The following MAP3K15 variants were observed in gnomAD, a reference collection of about 807,000 sequenced individuals.
The protein encoded by MAP3K15 is MAPK/ERK kinase kinase 15.
Under a neutral mutation model 99.5 loss-of-function variants are expected in MAP3K15, and 124 were observed. The ratio of observed to expected loss-of-function variants is 1.25; its 90% CI spans 1.08 to 1.45. The LOEUF (loss-of-function observed/expected upper bound fraction) is 1.45, where lower values mean the gene tolerates loss of function less well. MAP3K15 is among the 40% of genes most tolerant of loss of function. MAP3K15 has a pLI of 0.00. For missense variants in MAP3K15, 1,242 were observed against 1,079.7 expected, an observed-to-expected ratio of 1.15 and a Z score of -2.11; for synonymous variants, 494 against 439.6, an observed-to-expected ratio of 1.12 and a Z score of -1.55.
At chrX:19,445,949 A>AAAATAAATAAATAAAT (rs771171380) in intron 6 of MAP3K15, among the ~76,000 whole-genome samples, 1,633 of 100,055 alleles carry the variant, frequency 0.016, 19 homozygotes, top group African/African-American at 0.019. Context: ...CTCCATCTCA[A>AAAATAAATAAATAAAT]AAATCAATAA....
chrX:19,374,768 T>TGG, intron 19 of MAP3K15, 108 bp from the exon 20 acceptor site: 1 of 700,145 alleles, frequency 1.4e-6, no homozygotes, highest in Non-Finnish European at 2.1e-6. Flanking sequence ...AGGACAGGCA[T>TGG]AATCCATGCC....
intron 18 of MAP3K15, among the ~76,000 whole-genome samples, chrX:19,381,820 T>A (rs1486413389): frequency 8.9e-6 from 1 of 111,930 alleles, no homozygotes; most frequent in East Asian, 2.8e-4. Context: ...CAGCAGCTCC[T>A]GGGGGCTGGC....
At chrX:19,495,755 T>C (rs1355076779) in intron 1 of MAP3K15, among the ~76,000 whole-genome samples, 3 of 111,741 alleles carry the variant, frequency 2.7e-5, no homozygotes, top group African/African-American at 9.7e-5. Flanking sequence ...CAAATACATA[T>C]TGTTCTTCCA....
chrX:19,400,479 T>C (rs28417958), intron 14 of MAP3K15, 97 bp downstream of exon 14: 36,037 of 591,233 alleles, frequency 0.061, 2,560 homozygotes, highest in African/African-American at 0.35. Context: ...TCATAAAACA[T>C]ACTCAACAGA....
intron 25 of MAP3K15, among the ~76,000 whole-genome samples, chrX:19,364,826 G>A (rs1212085827): frequency 4.7e-5 from 5 of 106,668 alleles, no homozygotes; most frequent in African/African-American, 1.7e-4. Context: ...CTGGGAGGCA[G>A]AGGTTGCGGT....
intron 6 of MAP3K15, among the ~76,000 whole-genome samples, chrX:19,448,808 G>A (rs1042023917): frequency 1.8e-5 from 2 of 109,353 alleles, no homozygotes; most frequent in Non-Finnish European, 3.9e-5. Flanking sequence ...GGAATTCTCT[G>A]GTGGGAAATA....
rs138105109 is a variant in MAP3K15 at position 19,369,172 on chromosome X, T to C, written c.3448A>G (p.Lys1150Glu). ...CCCTCTTCCGCTTCATCCATGTCCT[T>C]ATCTACCCCTTCAGTCTCACAGGTA... Reference protein sequence around the residue: ...EPTCETEGVDKDMDEAEEGYP... With the variant: ...EPTCETEGVDEDMDEAEEGYP... The change falls in exon 25 of 29, where the codon AAG (lysine) becomes GAG (glutamate). Residue 1150 changes from lysine (K) to glutamate (E), a missense_variant. Coordinates refer to ENST00000338883, the MANE Select transcript of MAP3K15 (RefSeq NM_001001671.4). 1 of 1,209,244 alleles carries C rather than the reference T, an allele frequency of 8.3e-7. No individual in the cohort carries two copies. Among genetic ancestry groups the C allele is most frequent in the Non-Finnish European group, 1.1e-6 (1 of 894,983 alleles).
chrX:19,489,569 C>T (rs2064353020), intron 1 of MAP3K15, among the ~76,000 whole-genome samples: 2 of 110,926 alleles, frequency 1.8e-5, no homozygotes, highest in Non-Finnish European at 3.8e-5. Context: ...ATGGAGGCCT[C>T]ATAAATTGGA....
intron 1 of MAP3K15, among the ~76,000 whole-genome samples, chrX:19,491,734 A>T (rs773014043): frequency 9.1e-6 from 1 of 110,287 alleles, no homozygotes; most frequent in Admixed American, 9.7e-5. Context: ...GAGTCTCAAA[A>T]ATGCATGGGT....
Position 19,374,794 on chromosome X carries a change from G to A in MAP3K15, c.2590-134C>T, listed in dbSNP as rs778729930. On this transcript the variant is annotated intron_variant, in intron 19 of 28. Coordinates refer to ENST00000338883, the MANE Select transcript of MAP3K15 (RefSeq NM_001001671.4). ...AATCCATGCCCCCTTGCAACGTCAC[G>A]TTCTTGTTCCTCCCACCCCAAGGTG... 80 of 534,431 alleles carry A rather than the reference G, an allele frequency of 1.5e-4. 1 individual carries two copies. Among genetic ancestry groups the A allele is most frequent in the Non-Finnish European group, 1.2e-4 (40 of 339,649 alleles). The allele number at this position is 534,431 out of a possible 1,213,427, so 44.0% of individuals were successfully genotyped here.
chrX:19,468,390 T>C (rs1884526569), intron 3 of MAP3K15, among the ~76,000 whole-genome samples: 1 of 112,094 alleles, frequency 8.9e-6, no homozygotes, highest in African/African-American at 3.2e-5. Context: ...CTCAAGGTAT[T>C]GTCAAAAGCA....
At chrX:19,385,092 C>T (rs2063486305) in intron 18 of MAP3K15, among the ~76,000 whole-genome samples, 1 of 111,863 alleles carries the variant, frequency 8.9e-6, no homozygotes. Context: ...AATCTATCAA[C>T]TCAAACAACA....
At chrX:19,362,943 T>TG (rs1385179700) in intron 25 of MAP3K15, 93 bp from the exon 26 acceptor site, 4 of 498,320 alleles carry the variant, frequency 8.0e-6, no homozygotes, top group African/African-American at 4.8e-5. Context: ...ACATTAGAGA[T>TG]GGAAAAAAAA....
In MAP3K15 at chrX:19,455,513, A is replaced by ATTTT. The variant is rs755405077; in HGVS notation, c.995+1396_995+1399dup. Among the ~76,000 whole-genome samples the ATTTT allele has an allele frequency of 1.8e-3, 115 of 65,711 alleles. 8 individuals are homozygous for ATTTT. The highest frequency in any genetic ancestry group is 9.8e-3 in the African/African-American group (101 of 10,338). 57.1% of individuals were successfully genotyped at this position (65,711 alleles called of 115,157 possible). On this transcript the variant is annotated intron_variant, in intron 6 of 28. Coordinates refer to ENST00000338883, the MANE Select transcript of MAP3K15 (RefSeq NM_001001671.4). ...AAGCACAAGCCATCATGCCTGGCTA[A>ATTTT]TTTTTTTTTTTTTTTTTTTTTTTTT...
chrX:19,508,148 A>G (rs1270376329), intron 1 of MAP3K15, among the ~76,000 whole-genome samples: 2 of 108,841 alleles, frequency 1.8e-5, no homozygotes, highest in Non-Finnish European at 1.9e-5. Context: ...GATCACAGGC[A>G]TGAGCCGCCA....
chrX:19,362,810 T>C lies in MAP3K15; in HGVS notation c.3607A>G (p.Asn1203Asp), dbSNP rs1315221917. The C allele has an allele frequency of 7.6e-6, 9 of 1,184,898 alleles. No individual in the cohort carries two copies. The South Asian group carries it at 1.5e-4, about 19-fold the overall frequency. The change falls in exon 26 of 29, where the codon AAT becomes GAT. Residue 1203 changes from asparagine (N) to aspartate (D), a missense_variant. Asn to Asp is a conservative substitution (Grantham distance 23, BLOSUM62 1). Transcript: ENST00000338883. ...HLVEKEREYQNLLRQTLEQKT... is the reference protein window; with the variant it reads ...HLVEKEREYQDLLRQTLEQKT... Reference sequence around the variant, plus strand: ...TGTTCTAGAGTTTGCCGCAGAAGATTCTGGTACTCTCTCTCTTTTTCAACT... The same window carrying C: ...TGTTCTAGAGTTTGCCGCAGAAGATCCTGGTACTCTCTCTCTTTTTCAACT...
chrX:19,485,733 G>A (rs2064320292), intron 3 of MAP3K15, among the ~76,000 whole-genome samples: 1 of 110,567 alleles, frequency 9.0e-6, no homozygotes, highest in Non-Finnish European at 1.9e-5. Context: ...AGAGCTAGCA[G>A]GAAGGAGACT....
intron 3 of MAP3K15, among the ~76,000 whole-genome samples, chrX:19,465,082 T>C (rs2064156977): frequency 3.6e-5 from 4 of 110,349 alleles, no homozygotes; most frequent in African/African-American, 9.9e-5. Context: ...TTGTAGAGAT[T>C]GGGGTTTTGC....
At chrX:19,501,629 C>T (rs1476664884) in intron 1 of MAP3K15, among the ~76,000 whole-genome samples, 1 of 112,450 alleles carries the variant, frequency 8.9e-6, no homozygotes, top group Admixed American at 9.5e-5. Flanking sequence ...AGCCAGCTGT[C>T]ATCTGTGCCC....
Sources: gnomAD v4.1 joint callset for allele counts (sites outside exome capture counted in the v4.1 genomes callset) on GRCh38, gnomAD v4.1.1 for gene constraint, MANE v1.5 for transcripts, NCBI Gene and HGNC (gene_info 2026-07-23, HGNC 2026-07-21) for gene names.